The following UBA5 variants were observed in gnomAD, a reference collection of about 807,000 sequenced individuals.
UBA5 encodes ubiquitin like modifier activating enzyme 5.
A neutral mutation model predicts 52.9 loss-of-function variants in UBA5; 28 were observed. That is an observed-to-expected ratio of 0.53 (90% CI 0.39 to 0.73). The LOEUF (loss-of-function observed/expected upper bound fraction) is 0.73, where lower values mean the gene tolerates loss of function less well. Among genes scored for constraint, UBA5 ranks in the 30% least tolerant of loss-of-function variants. UBA5 has a pLI of 0.00. For missense variants in UBA5, 388 were observed against 492.7 expected, an observed-to-expected ratio of 0.79 and a Z score of 2.01; for synonymous variants, 135 against 162.1, an observed-to-expected ratio of 0.83 and a Z score of 1.27.
chr3:132,671,255 TTA>T (rs1938588434), intron 6 of UBA5, among the ~76,000 whole-genome samples: 1 of 152,214 alleles, frequency 6.6e-6, no homozygotes, highest in South Asian at 2.1e-4. Flanking sequence ...GTGACATGTG[TTA>T]CAGTATCCTA....
At chr3:132,659,618 G>A, upstream of UBA5, 1 of 1,610,552 alleles carries the variant, frequency 6.2e-7, no homozygotes, top group Non-Finnish European at 8.5e-7. Context: ...CTGGGCAATG[G>A]TCAGCGTAGC....
rs901243671 is a variant in UBA5, at chr3:132,679,558, T to C, written c.*3032T>C. ...ATTTCATTCTTTTGGAATACATAATTTTGAGTGATCATGTCTCCAACTACA... is the reference window on the plus strand; with the variant it reads ...ATTTCATTCTTTTGGAATACATAATCTTGAGTGATCATGTCTCCAACTACA... On this transcript the variant is annotated 3_prime_UTR_variant, in exon 12 of 12. Coordinates refer to ENST00000356232, the MANE Select transcript of UBA5 (RefSeq NM_024818.6). Among the ~76,000 whole-genome samples, 7 of 152,220 alleles carry C rather than the reference T, an allele frequency of 4.6e-5. No homozygotes were observed. The highest frequency in any genetic ancestry group is 1.7e-4 in the African/African-American group (7 of 41,456).
Position 132,660,691 on chromosome 3 carries a change from C to G in UBA5, c.154C>G (p.Pro52Ala). 6.4e-7 allele frequency: 1 copy of G among 1,561,560 alleles called. No homozygotes were observed. The highest frequency in any genetic ancestry group is 8.7e-7 in the Non-Finnish European group (1 of 1,151,452). ...GAGCTCAGAGGTGGTGGATTCGAAT[C>G]CCTACAGGTAACCTGCGTCGCCGGT... ...KMSSEVVDSNPYSRLMALKRM... is the reference protein window; with the variant it reads ...KMSSEVVDSNAYSRLMALKRM... The change falls in exon 1 of 12, where the codon CCC (proline) becomes GCC (alanine). Residue 52 changes from proline to alanine, a missense_variant. Physicochemically the swap from Pro to Ala is conservative, Grantham distance 27 (BLOSUM62 -1). Coordinates refer to ENST00000356232, the MANE Select transcript of UBA5 (RefSeq NM_024818.6). This position sits in a 1 kb window ranked among gnomAD's most constrained non-coding sequence, Gnocchi z 4.1.
At chr3:132,675,514 G>A (rs1938798219) in intron 9 of UBA5, 91 bp from the exon 10 acceptor site, 1 of 1,505,954 alleles carries the variant, frequency 6.6e-7, no homozygotes, top group East Asian at 2.3e-5. Context: ...TCTTGCTTTT[G>A]GTAAGATAAA....
Position 132,660,713 on chromosome 3 carries a change from C to G in UBA5, c.161+15C>G, listed in dbSNP as rs781605897. The G allele has an allele frequency of 1.8e-5, 27 of 1,525,694 alleles. No homozygotes were observed. The South Asian group carries it at 2.8e-4, about 16-fold the overall frequency. 94.5% of individuals were successfully genotyped at this position (1,525,694 alleles called of 1,614,324 possible). ...AATCCCTACAGGTAACCTGCGTCGCCGGTCGGAGGCAGGCGCGGGGGACGA... is the reference window on the plus strand; with the variant it reads ...AATCCCTACAGGTAACCTGCGTCGCGGGTCGGAGGCAGGCGCGGGGGACGA... On this transcript the variant is annotated intron_variant, in intron 1 of 11. Coordinates refer to ENST00000356232, the MANE Select transcript of UBA5 (RefSeq NM_024818.6). This position sits in a 1 kb window ranked among gnomAD's most constrained non-coding sequence, Gnocchi z 4.1.
chr3:132,658,927 A>G (rs1365078914), upstream of UBA5, among the ~76,000 whole-genome samples: 2 of 152,226 alleles, frequency 1.3e-5, no homozygotes, highest in Non-Finnish European at 2.9e-5. Context: ...AAACTCCCAG[A>G]CAGCAAGTGA....
rs547874272 is a variant in UBA5, at chr3:132,661,831, GT to G, written c.161+1137del. Among the ~76,000 whole-genome samples the G allele has an allele frequency of 2.1e-3, 315 of 152,252 alleles. 1 individual carries two copies. The South Asian group carries it at 0.023, about 11-fold the overall frequency. ...ATAACAGTTTTGATTTTTAAAAAAG[GT>G]TTTAGTTTGTGATATATAAAGCCGC... On this transcript the variant is annotated intron_variant, in intron 1 of 11. Transcript: ENST00000356232.
Position 132,670,974 on chromosome 3 carries a change from G to A in UBA5, c.504G>A (p.Gly168=). 6.2e-7 allele frequency: 1 copy of A among 1,613,066 alleles called. No individual in the cohort carries two copies. The highest frequency in any genetic ancestry group is 8.5e-7 in the Non-Finnish European group (1 of 1,179,332). ...QHFMDRISNG[G]LEEGKPVDLV... ...TATTTTCTTTGACTAGTAATGGTGG[G>A]TTAGAAGAAGGAAAACCTGTTGATC... The change falls in exon 6 of 12, where the codon GGG becomes GGA. Residue 168 remains glycine, a synonymous_variant. Transcript: ENST00000356232.
intron 6 of UBA5, among the ~76,000 whole-genome samples, chr3:132,671,370 T>G (rs1043675792): frequency 1.3e-5 from 2 of 152,174 alleles, no homozygotes; most frequent in African/African-American, 2.4e-5. Flanking sequence ...CTTTTGTTAT[T>G]TTATAAATGT....
chr3:132,667,089 G>T (rs772168913), intron 3 of UBA5, among the ~76,000 whole-genome samples: 1 of 152,102 alleles, frequency 6.6e-6, no homozygotes, highest in East Asian at 1.9e-4. Flanking sequence ...GATGTTGCTA[G>T]GATTACACCA....
intron 1 of UBA5, among the ~76,000 whole-genome samples, chr3:132,655,073 T>C (rs1937710228): frequency 1.3e-5 from 2 of 152,196 alleles, no homozygotes; most frequent in African/African-American, 2.4e-5. Flanking sequence ...AAAAACACAG[T>C]ATTATAATCT....
chr3:132,673,582 A>C (rs1194246612), intron 8 of UBA5, among the ~76,000 whole-genome samples: 1 of 152,072 alleles, frequency 6.6e-6, no homozygotes, highest in Non-Finnish European at 1.5e-5. Context: ...TCCTGAGCTC[A>C]AGTAATCTGC....
In UBA5 at chr3:132,679,272, A is replaced by G. The variant is rs1003647355; in HGVS notation, c.*2746A>G. ...AACAGAGTGAGACTCTGTCTCAAAA[A>G]AAAAGGTATTGATGAATAAAAATTA... On this transcript the variant is annotated 3_prime_UTR_variant, in exon 12 of 12. Transcript: ENST00000356232. Among the ~76,000 whole-genome samples, 1 of 152,250 alleles carries G rather than the reference A, an allele frequency of 6.6e-6. No individual in the cohort carries two copies. The highest frequency in any genetic ancestry group is 1.5e-5 in the Non-Finnish European group (1 of 68,020).
chr3:132,672,404 C>T lies in UBA5; in HGVS notation c.812+227C>T, dbSNP rs111650089. ...GCTATATTAAATATTACATATAATA[C>T]ATGTGTGCATATTCATACGTGAATA... is the stretch of plus-strand genomic sequence containing the variant. On this transcript the variant is annotated intron_variant, in intron 8 of 11. Coordinates refer to ENST00000356232, the MANE Select transcript of UBA5 (RefSeq NM_024818.6). Among the ~76,000 whole-genome samples the T allele has an allele frequency of 1.1e-3, 171 of 152,002 alleles. 1 individual carries two copies. The highest frequency in any genetic ancestry group is 3.5e-3 in the African/African-American group (146 of 41,456).
At chr3:132,664,310 A>G (rs1232508668) in intron 1 of UBA5, among the ~76,000 whole-genome samples, 1 of 152,198 alleles carries the variant, frequency 6.6e-6, no homozygotes, top group East Asian at 1.9e-4. Context: ...ACCAAGTTAA[A>G]CTATCGATTA....
upstream of UBA5, chr3:132,660,305 A>C (rs145733518): frequency 3.1e-4 from 186 of 596,822 alleles, 1 homozygote; most frequent in African/African-American, 2.2e-3. The surrounding 1 kb of genome is among the most constrained non-coding windows in gnomAD (Gnocchi z 4.1). Context: ...CAGGTTTTTG[A>C]TGAGGGGGAG....
intron 1 of UBA5, among the ~76,000 whole-genome samples, chr3:132,665,184 T>C (rs932848625): frequency 4.6e-5 from 7 of 152,046 alleles, no homozygotes; most frequent in South Asian, 2.1e-4. Context: ...AATGTTAGCA[T>C]GTTGTTTAGG....
At chr3:132,667,036 C>T (rs1257475086) in intron 3 of UBA5, among the ~76,000 whole-genome samples, 2 of 152,136 alleles carry the variant, frequency 1.3e-5, no homozygotes, top group Non-Finnish European at 2.9e-5. Context: ...AGGTGGACTT[C>T]ATAATTGACA....
chr3:132,659,879 G>A (rs576503570), upstream of UBA5: 33 of 1,155,678 alleles, frequency 2.9e-5, no homozygotes, highest in East Asian at 6.8e-4. Flanking sequence ...CCAGCCAACC[G>A]CACACAGCCT....
Sources: gnomAD v4.1 joint callset for allele counts (sites outside exome capture counted in the v4.1 genomes callset) on GRCh38, gnomAD v4.1.1 for gene constraint, Gnocchi (gnomAD v3.1) non-coding constraint, MANE v1.5 for transcripts, NCBI Gene and HGNC (gene_info 2026-07-23, HGNC 2026-07-21) for gene names.